Variants in LOC400499 observed in about 807,000 individuals in gnomAD.
the LOC400499 span, chr16:11,460,485 T>A: frequency 6.6e-7 from 1 of 1,524,766 alleles, no homozygotes; most frequent in Admixed American, 2.0e-5. Context: ...ACCTTGTGGC[T>A]GAAGGCTAGG....
At chr16:11,396,724 CCT>C in the LOC400499 span, 3 of 1,219,536 alleles carry the variant, frequency 2.5e-6, no homozygotes, top group African/African-American at 4.7e-5. Context: ...GTGGCAGCTT[CCT>C]CTCTCCCCAG....
the LOC400499 span, among the ~76,000 whole-genome samples, chr16:11,397,332 G>C: frequency 1.3e-5 from 2 of 152,170 alleles, no homozygotes; most frequent in Non-Finnish European, 2.9e-5. Context: ...GGAGTACAAT[G>C]GCACGATCTC....
the LOC400499 span, chr16:11,457,140 A>G: frequency 1.2e-5 from 13 of 1,110,930 alleles, no homozygotes; most frequent in Non-Finnish European, 1.5e-5. Context: ...AGATTGCACT[A>G]CTGCACTCCA....
At chr16:11,490,303 G>A in the LOC400499 span, among the ~76,000 whole-genome samples, 1 of 151,844 alleles carries the variant, frequency 6.6e-6, no homozygotes, top group African/African-American at 2.4e-5. Context: ...GGCTGAGTCA[G>A]GGGAATTGCC....
At chr16:11,407,970 GTTTTTTTTTTTTTT>G in the LOC400499 span, among the ~76,000 whole-genome samples, 2 of 63,416 alleles carry the variant, frequency 3.2e-5, no homozygotes, top group Non-Finnish European at 5.7e-5. Flanking sequence ...TTCCAGAGCT[GTTTTTTTTTTTTTT>G]TTTTTTTTTT....
the LOC400499 span, chr16:11,441,131 C>T: frequency 1.8e-5 from 7 of 398,550 alleles, no homozygotes; most frequent in Non-Finnish European, 3.1e-5. Context: ...TCTCTATGTG[C>T]CTGCAGAAGC....
chr16:11,468,867 T>C, the LOC400499 span, among the ~76,000 whole-genome samples: 1 of 152,218 alleles, frequency 6.6e-6, no homozygotes, highest in Non-Finnish European at 1.5e-5. Flanking sequence ...TTTCAGGTGA[T>C]CTGCCCGCTT....
chr16:11,523,932 ACC>A, the LOC400499 span, among the ~76,000 whole-genome samples: 1 of 23,494 alleles, frequency 4.3e-5, no homozygotes, highest in Admixed American at 3.8e-4. Flanking sequence ...CTATCCACCC[ACC>A]CCCAATTCCC....
At chr16:11,439,605 G>C in the LOC400499 span, 3 of 399,136 alleles carry the variant, frequency 7.5e-6, no homozygotes, top group Non-Finnish European at 8.8e-6. Context: ...AGTTGAAGAG[G>C]GGTCAGAGGG....
the LOC400499 span, chr16:11,516,345 A>G: frequency 5.0e-6 from 2 of 399,056 alleles, no homozygotes; most frequent in Non-Finnish European, 4.4e-6. Flanking sequence ...GGGACCCTCC[A>G]GTGCCCCAGG....
At chr16:11,423,408 G>C in the LOC400499 span, among the ~76,000 whole-genome samples, 1 of 152,234 alleles carries the variant, frequency 6.6e-6, no homozygotes, top group East Asian at 1.9e-4. Context: ...AGGGACTTGA[G>C]GGCGAAGCCA....
the LOC400499 span, chr16:11,399,858 G>A: frequency 1.5e-5 from 6 of 398,548 alleles, no homozygotes; most frequent in African/African-American, 4.1e-5. Flanking sequence ...AGGGGGACAT[G>A]TAGGGGAGAG....
the LOC400499 span, among the ~76,000 whole-genome samples, chr16:11,458,382 G>A: frequency 5.9e-5 from 9 of 151,980 alleles, no homozygotes; most frequent in African/African-American, 2.2e-4. Flanking sequence ...GCAGGTGACT[G>A]TAATCCCAGC....
At chr16:11,444,904 A>C in the LOC400499 span, among the ~76,000 whole-genome samples, 1 of 152,134 alleles carries the variant, frequency 6.6e-6, no homozygotes, top group Non-Finnish European at 1.5e-5. Flanking sequence ...CAATATAGCA[A>C]GACTCTGTCT....
chr16:11,438,310 A>G, the LOC400499 span, among the ~76,000 whole-genome samples: 1 of 152,190 alleles, frequency 6.6e-6, no homozygotes, highest in African/African-American at 2.4e-5. Flanking sequence ...TTGCTAGTGA[A>G]ACGGTGACCT....
At chr16:11,505,016 G>A in the LOC400499 span, among the ~76,000 whole-genome samples, 1 of 152,134 alleles carries the variant, frequency 6.6e-6, no homozygotes, top group African/African-American at 2.4e-5. Flanking sequence ...GACAGAGAAG[G>A]AAAGTGACAC....
At chr16:11,423,115 C>G in the LOC400499 span, 2 of 399,012 alleles carry the variant, frequency 5.0e-6, no homozygotes, top group Non-Finnish European at 8.8e-6. Flanking sequence ...TCAGGCTGTG[C>G]CAGCCCCGCT....
chr16:11,509,673 T>A, the LOC400499 span, among the ~76,000 whole-genome samples: 1 of 151,550 alleles, frequency 6.6e-6, no homozygotes, highest in Admixed American at 6.6e-5. Context: ...CTATTAAAAA[T>A]ACCAAAAATT....
chr16:11,398,940 C>G, the LOC400499 span, among the ~76,000 whole-genome samples: 5 of 152,130 alleles, frequency 3.3e-5, no homozygotes, highest in Non-Finnish European at 7.4e-5. Context: ...CGCCATGCCC[C>G]GCTCGTGGCA....
Sources: allele counts gnomAD v4.1 joint callset (sites outside exome capture counted in the v4.1 genomes callset), GRCh38; gene constraint gnomAD v4.1.1; transcripts MANE v1.5.